Variants in PTGFRN observed in about 807,000 individuals in gnomAD.
The protein encoded by PTGFRN is prostaglandin F2 receptor negative regulator.
PTGFRN carries 35 observed loss-of-function variants against 83.2 expected under a neutral mutation model. The observed-to-expected ratio is 0.42, with a 90% CI of 0.32 to 0.56. The LOEUF is 0.56. Among genes scored for constraint, PTGFRN ranks in the 20% least tolerant of loss-of-function variants. The pLI is 0.11. For synonymous variants in PTGFRN, 519 were observed against 498.6 expected (o/e 1.04, Z -0.55); for missense variants, 1,051 against 1,179.5 (o/e 0.89, Z 1.60).
In PTGFRN at chr1:116,988,443, C is replaced by T. The variant is rs182591393; in HGVS notation, c.*1476C>T. The T allele has an allele frequency of 2.0e-5, 3 of 152,716 alleles. No individual in the cohort carries two copies. The highest frequency in any genetic ancestry group is 4.4e-5 in the Non-Finnish European group (3 of 68,110). 9.5% of individuals were successfully genotyped at this position (152,716 alleles called of 1,614,324 possible). A position where few individuals can be genotyped will look rare whatever the true frequency, so the allele number is the denominator to read the frequency against. On this transcript the variant is annotated 3_prime_UTR_variant, in exon 9 of 9. Coordinates refer to ENST00000393203, the MANE Select transcript of PTGFRN (RefSeq NM_020440.4). Reference sequence around the variant, plus strand: ...CGCCCCCTGCACAGCACTGGCCTTTCGGAAGCATCCCAGTAGGGTTTTCTG... The same window carrying T: ...CGCCCCCTGCACAGCACTGGCCTTTTGGAAGCATCCCAGTAGGGTTTTCTG...
At chr1:116,963,500 C>T (rs904089620) in intron 5 of PTGFRN, among the ~76,000 whole-genome samples, 1 of 152,242 alleles carries the variant, frequency 6.6e-6, no homozygotes, top group African/African-American at 2.4e-5. Flanking sequence ...TAATTCTCTC[C>T]CTTCTGGACC....
chr1:116,912,888 T>C (rs1649305681), intron 1 of PTGFRN, among the ~76,000 whole-genome samples: 1 of 152,174 alleles, frequency 6.6e-6, no homozygotes, highest in Non-Finnish European at 1.5e-5. Flanking sequence ...CCTTTTTCCC[T>C]TGAAACTCAC....
rs1049119648 is a variant in PTGFRN at position 116,977,896 on chromosome 1, A to G, written c.2167+3573A>G. 5.3e-5 allele frequency among the ~76,000 whole-genome samples: 8 copies of G among 152,236 alleles called. 1 individual carries two copies. Among genetic ancestry groups the G allele is most frequent in the Admixed American group, 2.6e-4 (4 of 15,286 alleles). ...CAGAGCGGAGCTGAAGGAGATAGAG[A>G]CACAAAAAACCCTTCAAAAAAATCA... On this transcript the variant is annotated intron_variant, in intron 7 of 8. Coordinates refer to ENST00000393203, the MANE Select transcript of PTGFRN (RefSeq NM_020440.4).
chr1:116,938,141 G>A (rs1649967726), intron 1 of PTGFRN, among the ~76,000 whole-genome samples: 1 of 152,164 alleles, frequency 6.6e-6, no homozygotes, highest in Non-Finnish European at 1.5e-5. Flanking sequence ...CAGAGAATTA[G>A]TCACTGCTGG....
chr1:116,923,170 A>T lies in PTGFRN; in HGVS notation c.49+12918A>T, dbSNP rs138612504. On this transcript the variant is annotated intron_variant, in intron 1 of 8. Coordinates refer to ENST00000393203, the MANE Select transcript of PTGFRN (RefSeq NM_020440.4). This position sits in a 1 kb window ranked among gnomAD's most constrained non-coding sequence, Gnocchi z 4.0. ...GATCATGTCTGTTTTTGCTTACCCC[A>T]GCATGTAGGAACTTGAATCTTTGAA... Among the ~76,000 whole-genome samples, 1 of 152,194 alleles carries T rather than the reference A, an allele frequency of 6.6e-6. No individual in the cohort carries two copies. Among genetic ancestry groups the T allele is most frequent in the African/African-American group, 2.4e-5 (1 of 41,444 alleles).
At chr1:116,919,628 C>G (rs1035255453) in intron 1 of PTGFRN, among the ~76,000 whole-genome samples, 1 of 152,182 alleles carries the variant, frequency 6.6e-6, no homozygotes, top group Non-Finnish European at 1.5e-5. Flanking sequence ...AATAGATGAG[C>G]AAACTGAGTC....
At position 116,916,842 on chromosome 1, in the gene PTGFRN, G is replaced by C. The variant is rs1188397962; in HGVS notation, c.49+6590G>C. ...GCCGGGCATTGTTCTGAGGATTGCT[G>C]TATGAGCAGAGCAGACTCAGATCTG... On this transcript the variant is annotated intron_variant, in intron 1 of 8. Transcript: ENST00000393203. Among the ~76,000 whole-genome samples the C allele has an allele frequency of 3.9e-5, 6 of 152,150 alleles. No homozygotes were observed. The South Asian group carries it at 1.0e-3, about 26-fold the overall frequency.
intron 4 of PTGFRN, among the ~76,000 whole-genome samples, chr1:116,954,110 G>A (rs1650422049): frequency 6.6e-6 from 1 of 151,868 alleles, no homozygotes; most frequent in African/African-American, 2.4e-5. Flanking sequence ...CGCCCGTCTC[G>A]GCCTCCCAAA....
rs1330157511 is a variant in PTGFRN at position 116,977,864 on chromosome 1, C to G, written c.2167+3541C>G. Among the ~76,000 whole-genome samples the G allele has an allele frequency of 1.3e-5, 2 of 152,174 alleles. 1 individual carries two copies. The highest frequency in any genetic ancestry group is 4.2e-4 in the South Asian group (2 of 4,818). ...AAAGCTAGCAGAAGGCAAGAAATAA[C>G]TAAGATCAGAGCGGAGCTGAAGGAG... is the stretch of plus-strand genomic sequence containing the variant. On this transcript the variant is annotated intron_variant, in intron 7 of 8. Transcript: ENST00000393203.
chr1:116,938,985 AC>A (rs1348359327), intron 1 of PTGFRN, among the ~76,000 whole-genome samples: 1 of 152,260 alleles, frequency 6.6e-6, no homozygotes, highest in Non-Finnish European at 1.5e-5. Flanking sequence ...TCCACGTCTC[AC>A]ATCCAGGTCA....
rs1291831406 is a variant in PTGFRN, at chr1:116,911,055, T to TC, written c.49+806dup. On this transcript the variant is annotated intron_variant, in intron 1 of 8. Coordinates refer to ENST00000393203, the MANE Select transcript of PTGFRN (RefSeq NM_020440.4). ...CCCAAGGAATCTTTTGTGGGTTTTTTCCCTCTCCATTTTCCATTCACTCCA... is the reference window on the plus strand; with the variant it reads ...CCCAAGGAATCTTTTGTGGGTTTTTTCCCCTCTCCATTTTCCATTCACTCCA... 2.0e-5 allele frequency among the ~76,000 whole-genome samples: 3 copies of TC among 149,732 alleles called. No homozygotes were observed. In the East Asian group the frequency reaches 6.0e-4, roughly 30 times the overall value.
chr1:116,956,023 C>T (rs1335241667), intron 4 of PTGFRN, among the ~76,000 whole-genome samples: 2 of 152,192 alleles, frequency 1.3e-5, no homozygotes, highest in African/African-American at 4.8e-5. Context: ...AAGAAGGGCA[C>T]AATCTCTGCA....
intron 8 of PTGFRN, among the ~76,000 whole-genome samples, 197 bp downstream of exon 8, chr1:116,985,182 C>G (rs1651428982): frequency 6.6e-6 from 1 of 152,188 alleles, no homozygotes; most frequent in Admixed American, 6.5e-5. Flanking sequence ...CTATTATGTG[C>G]TAGTGTCACC....
At chr1:116,930,311 C>CT (rs371739783) in intron 1 of PTGFRN, among the ~76,000 whole-genome samples, 6 of 152,316 alleles carry the variant, frequency 3.9e-5, no homozygotes, top group African/African-American at 1.4e-4. Context: ...TGTGCTGACT[C>CT]TTTTTCTTCT....
intron 1 of PTGFRN, among the ~76,000 whole-genome samples, chr1:116,911,303 C>T (rs1649267343): frequency 6.6e-6 from 1 of 152,206 alleles, no homozygotes; most frequent in Non-Finnish European, 1.5e-5. Flanking sequence ...TTTCACAGAG[C>T]GCATGATGTG....
rs903508704 is a variant in PTGFRN at position 116,987,164 on chromosome 1, A to T, written c.*197A>T. The T allele has an allele frequency of 1.8e-6, 1 of 570,126 alleles. No homozygotes were observed. The highest frequency in any genetic ancestry group is 1.9e-5 in the African/African-American group (1 of 53,232). 35.3% of individuals were successfully genotyped at this position (570,126 alleles called of 1,614,324 possible). A position where few individuals can be genotyped will look rare whatever the true frequency, so the allele number is the denominator to read the frequency against. ...TTACCAGCACACGGCTCTTCTTCCC[A>T]CGGCACTTTCTGATGTAACAATCGA... On this transcript the variant is annotated 3_prime_UTR_variant, in exon 9 of 9. Coordinates refer to ENST00000393203, the MANE Select transcript of PTGFRN (RefSeq NM_020440.4).
At chr1:116,920,402 G>T (rs950718987) in intron 1 of PTGFRN, among the ~76,000 whole-genome samples, 2 of 152,192 alleles carry the variant, frequency 1.3e-5, no homozygotes, top group Admixed American at 1.3e-4. Context: ...GAGGATATCA[G>T]CCATGAGTAA....
intron 7 of PTGFRN, among the ~76,000 whole-genome samples, chr1:116,982,836 C>A (rs6679226): frequency 0.34 from 51,378 of 151,934 alleles, 9,105 homozygotes; most frequent in East Asian, 0.46. Context: ...CTCCAGGTGG[C>A]GGCTTCCATC....
chr1:116,957,232 C>A (rs755816818), intron 4 of PTGFRN, among the ~76,000 whole-genome samples: 8 of 151,462 alleles, frequency 5.3e-5, no homozygotes, highest in Admixed American at 1.3e-4. Flanking sequence ...CGGTTGTGAG[C>A]GTGCTGTAGT....
Sources: allele counts gnomAD v4.1 joint callset (sites outside exome capture counted in the v4.1 genomes callset), GRCh38; gene constraint gnomAD v4.1.1; non-coding constraint Gnocchi (gnomAD v3.1); transcripts MANE v1.5; gene names NCBI Gene and HGNC (gene_info 2026-07-23, HGNC 2026-07-21).